Variants in ELMO1 observed in about 807,000 individuals in gnomAD.
The protein encoded by ELMO1 is engulfment and cell motility 1.
ELMO1 carries 26 observed loss-of-function variants against 98.9 expected under a neutral mutation model. That is an observed-to-expected ratio of 0.26 (90% CI 0.19 to 0.36). The LOEUF is 0.36. ELMO1 is among the 10% of genes least tolerant of loss of function. The probability of loss-of-function intolerance (pLI) is 1.00; values close to 1 mark genes in which losing one functional copy is unlikely to be tolerated. For synonymous variants in ELMO1, 346 were observed against 346.0 expected, an observed-to-expected ratio of 1.00 and a Z score of 0.00; for missense variants, 627 against 935.2, an observed-to-expected ratio of 0.67 and a Z score of 4.30.
chr7:36,903,185 G>A (rs1023396165), intron 16 of ELMO1, among the ~76,000 whole-genome samples: 3 of 152,166 alleles, frequency 2.0e-5, no homozygotes, highest in African/African-American at 7.2e-5. Context: ...CTTCACTCCT[G>A]TGCCTTCATT....
chr7:36,909,238 C>G (rs759892497), intron 16 of ELMO1, among the ~76,000 whole-genome samples: 1 of 152,092 alleles, frequency 6.6e-6, no homozygotes, highest in African/African-American at 2.4e-5. Flanking sequence ...AGTAAGCACT[C>G]AAGTAGTAAG....
intron 14 of ELMO1, among the ~76,000 whole-genome samples, chr7:37,122,619 G>A (rs1459211438): frequency 6.6e-6 from 1 of 152,158 alleles, no homozygotes; most frequent in Non-Finnish European, 1.5e-5. Context: ...CAATACAGGA[G>A]CACCAGATTC....
chr7:36,925,178 A>C (rs1300435654), intron 16 of ELMO1, among the ~76,000 whole-genome samples: 2 of 152,194 alleles, frequency 1.3e-5, no homozygotes, highest in Admixed American at 1.3e-4. Context: ...CCTTGCATGC[A>C]CCATTCCACT....
intron 13 of ELMO1, among the ~76,000 whole-genome samples, chr7:37,153,086 C>T (rs1788472791): frequency 6.6e-6 from 1 of 152,152 alleles, no homozygotes; most frequent in Non-Finnish European, 1.5e-5. Flanking sequence ...ATTATACTAA[C>T]CTCAACCTCC....
intron 18 of ELMO1, among the ~76,000 whole-genome samples, chr7:36,880,247 C>T (rs1030830879): frequency 6.6e-6 from 1 of 152,170 alleles, no homozygotes; most frequent in Non-Finnish European, 1.5e-5. Context: ...TGAGTTAGGT[C>T]TTGGCCTGTG....
intron 13 of ELMO1, among the ~76,000 whole-genome samples, chr7:37,194,030 C>T (rs924464068): frequency 6.6e-6 from 1 of 152,180 alleles, no homozygotes; most frequent in African/African-American, 2.4e-5. Context: ...GAGAAATTCT[C>T]CAGAACAAGC....
chr7:37,115,609 A>AACTTAT (rs1261693032), intron 14 of ELMO1, among the ~76,000 whole-genome samples: 1 of 152,228 alleles, frequency 6.6e-6, no homozygotes, highest in Non-Finnish European at 1.5e-5. Context: ...AGCTACATAA[A>AACTTAT]GAACATCTAC....
chr7:37,078,752 C>T (rs549548561), intron 15 of ELMO1, among the ~76,000 whole-genome samples: 4 of 152,208 alleles, frequency 2.6e-5, no homozygotes, highest in African/African-American at 7.2e-5. Context: ...AAATATCCTG[C>T]AATGAGTCTA....
chr7:37,393,379 C>T (rs1583677778), intron 1 of ELMO1, among the ~76,000 whole-genome samples: 1 of 152,080 alleles, frequency 6.6e-6, no homozygotes, highest in Admixed American at 6.6e-5. Context: ...CTTGTGACCT[C>T]GTTCAAATTT....
chr7:37,408,619 A>G (rs1435678595), intron 1 of ELMO1, among the ~76,000 whole-genome samples: 1 of 152,224 alleles, frequency 6.6e-6, no homozygotes, highest in East Asian at 1.9e-4. Flanking sequence ...CAACTCAGAT[A>G]AACTTTGAGG....
intron 8 of ELMO1, among the ~76,000 whole-genome samples, chr7:37,227,319 TA>T (rs1793924324): frequency 6.6e-6 from 1 of 152,244 alleles, no homozygotes; most frequent in Admixed American, 6.5e-5. Flanking sequence ...CCTACTTCCA[TA>T]AATATCCTTT....
At chr7:37,132,482 C>T (rs995990009) in intron 14 of ELMO1, among the ~76,000 whole-genome samples, 4 of 152,152 alleles carry the variant, frequency 2.6e-5, no homozygotes, top group African/African-American at 7.2e-5. Flanking sequence ...GGGCTCCAAC[C>T]GAGCAGCCCT....
At chr7:37,194,808 T>C (rs1791862529) in intron 13 of ELMO1, among the ~76,000 whole-genome samples, 1 of 152,240 alleles carries the variant, frequency 6.6e-6, no homozygotes, top group Non-Finnish European at 1.5e-5. Flanking sequence ...TTATCCATTT[T>C]TGGAATTTCA....
At chr7:37,155,950 AG>A (rs1788731857) in intron 13 of ELMO1, among the ~76,000 whole-genome samples, 1 of 152,218 alleles carries the variant, frequency 6.6e-6, no homozygotes, top group African/African-American at 2.4e-5. Flanking sequence ...CAAATGTAAA[AG>A]AACAGAAATT....
At chr7:37,076,114 AT>A (rs1400724521) in intron 15 of ELMO1, among the ~76,000 whole-genome samples, 1 of 152,182 alleles carries the variant, frequency 6.6e-6, no homozygotes, top group Non-Finnish European at 1.5e-5. Context: ...CACTCTAAAA[AT>A]TATTTTATTC....
intron 16 of ELMO1, among the ~76,000 whole-genome samples, chr7:36,964,720 C>T (rs1371941950): frequency 6.6e-6 from 1 of 152,134 alleles, no homozygotes; most frequent in African/African-American, 2.4e-5. Context: ...TAACCTACTT[C>T]CTTCCTCCTC....
At chr7:37,264,895 T>C (rs1796161882) in intron 5 of ELMO1, among the ~76,000 whole-genome samples, 1 of 152,206 alleles carries the variant, frequency 6.6e-6, no homozygotes, top group Non-Finnish European at 1.5e-5. Context: ...TCTGGATCCA[T>C]GATGCCAATT....
intron 21 of ELMO1, among the ~76,000 whole-genome samples, chr7:36,857,565 G>A (rs925998153): frequency 3.3e-5 from 5 of 152,036 alleles, no homozygotes; most frequent in Non-Finnish European, 5.9e-5. Context: ...TCTGCAGCAC[G>A]TTTCTTTTTA....
chr7:37,130,010 C>G (rs1050664807), intron 14 of ELMO1, among the ~76,000 whole-genome samples: 1 of 152,168 alleles, frequency 6.6e-6, no homozygotes, highest in Non-Finnish European at 1.5e-5. Flanking sequence ...GTAGTACTCT[C>G]CATCTCTTCC....
Sources: allele counts gnomAD v4.1 joint callset (sites outside exome capture counted in the v4.1 genomes callset), GRCh38; gene constraint gnomAD v4.1.1; transcripts MANE v1.5; gene names NCBI Gene and HGNC (gene_info 2026-07-23, HGNC 2026-07-21).